Variants in CNTN5 observed in about 807,000 individuals in gnomAD.
CNTN5 encodes contactin 5.
In CNTN5, 77 loss-of-function variants were observed where a neutral mutation model predicts 129.1. The observed-to-expected ratio is 0.60, with a 90% CI of 0.50 to 0.72. The LOEUF (loss-of-function observed/expected upper bound fraction) is 0.72. CNTN5 is among the 30% of genes least tolerant of loss of function. The pLI is 0.00. For missense variants in CNTN5, 1,478 were observed against 1,328.8 expected (o/e 1.11, Z -1.75); for synonymous variants, 509 against 465.6 (o/e 1.09, Z -1.20).
chr11:99,830,920 A>G (rs1478458709), intron 4 of CNTN5, among the ~76,000 whole-genome samples: 2 of 152,102 alleles, frequency 1.3e-5, no homozygotes, highest in Admixed American at 6.6e-5. Flanking sequence ...CTATTTGAGG[A>G]CTGCTTCATT....
At chr11:99,600,721 A>C (rs1024638436) in intron 3 of CNTN5, among the ~76,000 whole-genome samples, 3 of 151,442 alleles carry the variant, frequency 2.0e-5, no homozygotes, top group Non-Finnish European at 4.4e-5. Context: ...GTTATCCACC[A>C]GTGTTGGAGC....
chr11:100,057,927 C>T (rs1943302815), intron 9 of CNTN5, among the ~76,000 whole-genome samples: 1 of 152,042 alleles, frequency 6.6e-6, no homozygotes, highest in Non-Finnish European at 1.5e-5. Context: ...TACTCTCTGA[C>T]ATAAGTCGTA....
chr11:100,281,980 T>G (rs910197973), intron 18 of CNTN5, among the ~76,000 whole-genome samples: 2 of 148,488 alleles, frequency 1.3e-5, no homozygotes, highest in Non-Finnish European at 3.0e-5. Flanking sequence ...AATTCTGAAT[T>G]CTTTCTTGGC....
chr11:99,775,666 C>G (rs1447558025), intron 3 of CNTN5, among the ~76,000 whole-genome samples: 1 of 151,948 alleles, frequency 6.6e-6, no homozygotes, highest in Non-Finnish European at 1.5e-5. Context: ...ATTAGATAAT[C>G]TCTGTATCAC....
intron 3 of CNTN5, among the ~76,000 whole-genome samples, chr11:99,616,222 A>G (rs1432272338): frequency 6.6e-6 from 1 of 152,154 alleles, no homozygotes; most frequent in African/African-American, 2.4e-5. Flanking sequence ...TACTTCCCCT[A>G]ACATTTGCCA....
chr11:99,969,540 TGGGCATG>T (rs1951192035), intron 8 of CNTN5, among the ~76,000 whole-genome samples: 1 of 152,144 alleles, frequency 6.6e-6, no homozygotes, highest in South Asian at 2.1e-4. Flanking sequence ...AATCTCTAAT[TGGGCATG>T]GGGCCTCACC....
At chr11:99,348,664 G>A (rs57523751) in intron 2 of CNTN5, among the ~76,000 whole-genome samples, 3 of 152,068 alleles carry the variant, frequency 2.0e-5, no homozygotes, top group Non-Finnish European at 4.4e-5. Context: ...GTTAGACATG[G>A]TCTACTTTGG....
intron 18 of CNTN5, among the ~76,000 whole-genome samples, chr11:100,289,925 A>G (rs1360848915): frequency 6.6e-6 from 1 of 151,514 alleles, no homozygotes; most frequent in Non-Finnish European, 1.5e-5. Context: ...CAGGATACAA[A>G]ATCAATGTGC....
intron 16 of CNTN5, among the ~76,000 whole-genome samples, chr11:100,254,360 C>A (rs17094716): frequency 0.069 from 10,497 of 152,190 alleles, 418 homozygotes; most frequent in South Asian, 0.12. Flanking sequence ...TGAGTACCTT[C>A]CAAAATGAGT....
intron 4 of CNTN5, among the ~76,000 whole-genome samples, chr11:99,831,931 T>A (rs1947153437): frequency 6.6e-6 from 1 of 152,158 alleles, no homozygotes; most frequent in African/African-American, 2.4e-5. Context: ...CAGAAGAGGA[T>A]CAGCTTTCAT....
chr11:99,909,101 A>AT (rs1474581111), intron 6 of CNTN5, among the ~76,000 whole-genome samples: 1 of 152,094 alleles, frequency 6.6e-6, no homozygotes, highest in Admixed American at 6.6e-5. Flanking sequence ...ATGTTAGTAT[A>AT]TTTTTTGAGA....
At chr11:99,483,983 G>A (rs921654527) in intron 2 of CNTN5, among the ~76,000 whole-genome samples, 2 of 151,976 alleles carry the variant, frequency 1.3e-5, no homozygotes, top group African/African-American at 4.8e-5. Flanking sequence ...AAATGCTTTA[G>A]GACATTAGTC....
chr11:99,431,331 A>G (rs1039416497), intron 2 of CNTN5, among the ~76,000 whole-genome samples: 1 of 152,142 alleles, frequency 6.6e-6, no homozygotes, highest in Non-Finnish European at 1.5e-5. Flanking sequence ...CCAACATAGA[A>G]GGAGGAAAAA....
chr11:99,208,502 A>C (rs1859597833), intron 1 of CNTN5, among the ~76,000 whole-genome samples: 1 of 152,158 alleles, frequency 6.6e-6, no homozygotes, highest in East Asian at 1.9e-4. Context: ...CTTTCTTACA[A>C]ATCTGCAATC....
intron 1 of CNTN5, among the ~76,000 whole-genome samples, chr11:99,128,319 G>A (rs1858749696): frequency 1.3e-5 from 2 of 152,180 alleles, no homozygotes; most frequent in African/African-American, 4.8e-5. Context: ...TACGGAGACT[G>A]GGATGTTTGG....
chr11:99,117,904 G>A (rs1034104965), intron 1 of CNTN5, among the ~76,000 whole-genome samples: 1 of 152,150 alleles, frequency 6.6e-6, no homozygotes, highest in African/African-American at 2.4e-5. Context: ...AATAAATGTT[G>A]TTTAAGCCAT....
intron 15 of CNTN5, among the ~76,000 whole-genome samples, chr11:100,195,086 T>C (rs1948601800): frequency 6.6e-6 from 1 of 151,780 alleles, no homozygotes; most frequent in African/African-American, 2.4e-5. Flanking sequence ...GGGTGATAAT[T>C]CCTTCCTACA....
At chr11:99,805,545 C>T (rs1946243200) in intron 3 of CNTN5, among the ~76,000 whole-genome samples, 1 of 152,168 alleles carries the variant, frequency 6.6e-6, no homozygotes, top group Non-Finnish European at 1.5e-5. Context: ...GCCTTGCAAT[C>T]ACTACTCATT....
chr11:99,117,134 T>A (rs1858080798), intron 1 of CNTN5, among the ~76,000 whole-genome samples: 1 of 152,168 alleles, frequency 6.6e-6, no homozygotes, highest in Non-Finnish European at 1.5e-5. Flanking sequence ...CTAGGCAAAT[T>A]ATTTTTGAGA....
Sources: allele counts gnomAD v4.1 joint callset (sites outside exome capture counted in the v4.1 genomes callset), GRCh38; gene constraint gnomAD v4.1.1; transcripts MANE v1.5; gene names NCBI Gene and HGNC (gene_info 2026-07-23, HGNC 2026-07-21).